PRKG1: variants seen among roughly 807,000 people sequenced by gnomAD.
The protein encoded by PRKG1 is protein kinase cGMP-dependent 1.
A neutral mutation model predicts 88.1 loss-of-function variants in PRKG1; 35 were observed. The observed-to-expected ratio is 0.40, with a 90% CI of 0.30 to 0.53. The LOEUF is 0.53. PRKG1 is among the 20% of genes least tolerant of loss of function. The probability of loss-of-function intolerance (pLI) is 0.59; values close to 1 mark genes in which losing one functional copy is unlikely to be tolerated. For synonymous variants in PRKG1, 303 were observed against 292.5 expected, an observed-to-expected ratio of 1.04 and a Z score of -0.37; for missense variants, 540 against 839.8, an observed-to-expected ratio of 0.64 and a Z score of 4.41.
intron 7 of PRKG1, among the ~76,000 whole-genome samples, chr10:52,068,780 A>C (rs927824155): frequency 6.6e-6 from 1 of 152,206 alleles, no homozygotes; most frequent in Admixed American, 6.5e-5. Flanking sequence ...ATTTTGAGTC[A>C]ACCACTCATT....
intron 5 of PRKG1, among the ~76,000 whole-genome samples, chr10:51,966,063 A>C (rs548912176): frequency 6.8e-6 from 1 of 147,276 alleles, no homozygotes; most frequent in South Asian, 2.1e-4. Context: ...GTACTCAAAT[A>C]ATCAATGTAA....
chr10:51,934,446 A>G (rs1842762164), intron 5 of PRKG1, among the ~76,000 whole-genome samples: 1 of 152,176 alleles, frequency 6.6e-6, no homozygotes, highest in Non-Finnish European at 1.5e-5. Context: ...AGAATTCTCA[A>G]TCATTTTGCA....
chr10:51,730,650 C>T (rs922564792), intron 3 of PRKG1, among the ~76,000 whole-genome samples: 3 of 152,164 alleles, frequency 2.0e-5, no homozygotes, highest in Non-Finnish European at 4.4e-5. Flanking sequence ...AATACACACA[C>T]GTATCTGACA....
chr10:52,283,327 A>G (rs542706979), intron 14 of PRKG1, among the ~76,000 whole-genome samples: 2 of 152,210 alleles, frequency 1.3e-5, no homozygotes, highest in South Asian at 2.1e-4. Context: ...AAAAAGAGTA[A>G]TTGTGAGGCA....
chr10:51,076,339 C>T (rs1004108722), intron 1 of PRKG1, among the ~76,000 whole-genome samples: 7 of 152,142 alleles, frequency 4.6e-5, no homozygotes, highest in Non-Finnish European at 8.8e-5. Flanking sequence ...GCCTTAGAAA[C>T]CTGAGTGATC....
intron 1 of PRKG1, among the ~76,000 whole-genome samples, chr10:51,067,005 T>C (rs1843758722): frequency 6.6e-6 from 1 of 152,038 alleles, no homozygotes; most frequent in African/African-American, 2.4e-5. Context: ...TCCTGTCACT[T>C]TGAATATTTT....
At chr10:52,126,608 G>A (rs1299452401) in intron 7 of PRKG1, among the ~76,000 whole-genome samples, 2 of 152,074 alleles carry the variant, frequency 1.3e-5, no homozygotes, top group Admixed American at 1.3e-4. Context: ...AGCCTTTCAT[G>A]TAGTTGGGAT....
At chr10:51,000,539 C>T (rs923554842) in intron 1 of PRKG1, among the ~76,000 whole-genome samples, 1 of 152,158 alleles carries the variant, frequency 6.6e-6, no homozygotes, top group Non-Finnish European at 1.5e-5. Context: ...TAGCCAGCAC[C>T]TGAATTTCAT....
At chr10:51,533,665 A>G (rs1350375086) in intron 3 of PRKG1, among the ~76,000 whole-genome samples, 1 of 152,036 alleles carries the variant, frequency 6.6e-6, no homozygotes, top group Non-Finnish European at 1.5e-5. Flanking sequence ...ACTTCCTCAA[A>G]CAAACTGAAT....
At chr10:51,952,521 C>A (rs890286933) in intron 5 of PRKG1, among the ~76,000 whole-genome samples, 1 of 152,092 alleles carries the variant, frequency 6.6e-6, no homozygotes, top group Non-Finnish European at 1.5e-5. Context: ...TTTTTGTGAT[C>A]ATTTAATAAG....
intron 3 of PRKG1, among the ~76,000 whole-genome samples, chr10:51,483,923 A>G (rs1840446228): frequency 6.6e-6 from 1 of 152,206 alleles, no homozygotes. Flanking sequence ...ACAGTTAGCT[A>G]ATTTAGAAAA....
intron 8 of PRKG1, among the ~76,000 whole-genome samples, chr10:52,154,079 A>G (rs1020712682): frequency 6.8e-6 from 1 of 147,608 alleles, no homozygotes; most frequent in African/African-American, 2.5e-5. Flanking sequence ...GGAACAAGTG[A>G]TGTTCTATTT....
In PRKG1 at chr10:51,416,638, C is replaced by T. The variant is rs1261355176; in HGVS notation, c.479-51085C>T. On this transcript the variant is annotated intron_variant, in intron 2 of 17. Coordinates refer to ENST00000373980, the MANE Select transcript of PRKG1 (RefSeq NM_006258.4). ...ATGATAATGCTTGCAAAGGGCTTAG[C>T]ACAGTGCCAGGCAGATGCAAGCCCA... Among the ~76,000 whole-genome samples the T allele has an allele frequency of 3.9e-5, 6 of 152,266 alleles. No homozygotes were observed. In the East Asian group the frequency reaches 9.6e-4, roughly 24 times the overall value.
chr10:51,406,470 T>C (rs1235541113), intron 2 of PRKG1, among the ~76,000 whole-genome samples: 4 of 152,180 alleles, frequency 2.6e-5, no homozygotes, highest in African/African-American at 9.7e-5. Flanking sequence ...TAGTTTTCAC[T>C]GGGGGCCTGC....
At chr10:52,053,173 A>G (rs922432678) in intron 5 of PRKG1, among the ~76,000 whole-genome samples, 2 of 152,170 alleles carry the variant, frequency 1.3e-5, no homozygotes, top group African/African-American at 4.8e-5. Context: ...TGAAGTGTAC[A>G]TATCAGACTG....
intron 7 of PRKG1, among the ~76,000 whole-genome samples, chr10:52,087,454 G>A (rs549068173): frequency 2.0e-5 from 3 of 152,026 alleles, no homozygotes; most frequent in Admixed American, 6.5e-5. Context: ...CACAATTTAT[G>A]ATTTATCTTT....
chr10:51,103,427 A>T (rs1165286241), intron 1 of PRKG1, among the ~76,000 whole-genome samples: 1 of 152,214 alleles, frequency 6.6e-6, no homozygotes, highest in Non-Finnish European at 1.5e-5. Flanking sequence ...CGAGCTAAAA[A>T]AAAGCTGAGC....
intron 7 of PRKG1, among the ~76,000 whole-genome samples, chr10:52,085,419 A>T (rs1846887654): frequency 6.6e-6 from 1 of 152,076 alleles, no homozygotes; most frequent in Non-Finnish European, 1.5e-5. Flanking sequence ...ATCAATATGG[A>T]CTGGTGGATT....
In PRKG1 at chr10:51,975,831, A is replaced by G. The variant is rs1843818613; in HGVS notation, c.762+68261A>G. 2.6e-5 allele frequency among the ~76,000 whole-genome samples: 4 copies of G among 152,088 alleles called. No homozygotes were observed. In the South Asian group the frequency reaches 8.3e-4, roughly 32 times the overall value. ...CACATTTTGTTCTCAAAATGATTAT[A>G]TCAGTACAGTGAAGAAAACCTACTG... is the stretch of plus-strand genomic sequence containing the variant. On this transcript the variant is annotated intron_variant, in intron 5 of 17. Transcript: ENST00000373980.
Sources: gnomAD v4.1 joint callset for allele counts (sites outside exome capture counted in the v4.1 genomes callset) on GRCh38, gnomAD v4.1.1 for gene constraint, MANE v1.5 for transcripts, NCBI Gene and HGNC (gene_info 2026-07-23, HGNC 2026-07-21) for gene names.